Variants in ELMO1 observed in about 807,000 individuals in gnomAD.
The protein encoded by ELMO1 is engulfment and cell motility 1.
A neutral mutation model predicts 98.9 loss-of-function variants in ELMO1; 26 were observed. The ratio of observed to expected loss-of-function variants is 0.26; its 90% CI spans 0.19 to 0.36. The LOEUF (loss-of-function observed/expected upper bound fraction) is 0.36, where lower values mean the gene tolerates loss of function less well. Among genes scored for constraint, ELMO1 ranks in the 10% least tolerant of loss-of-function variants. ELMO1 has a pLI of 1.00. For synonymous variants in ELMO1, 346 were observed against 346.0 expected (o/e 1.00, Z 0.00); for missense variants, 627 against 935.2 (o/e 0.67, Z 4.30).
intron 16 of ELMO1, among the ~76,000 whole-genome samples, chr7:36,985,298 C>A (rs1440664333): frequency 1.3e-5 from 2 of 152,086 alleles, no homozygotes; most frequent in East Asian, 3.9e-4. Flanking sequence ...CTGCTAAAAT[C>A]TTTCCAATTG....
intron 4 of ELMO1, among the ~76,000 whole-genome samples, chr7:37,300,995 G>C (rs1483080378): frequency 6.6e-6 from 1 of 151,748 alleles, no homozygotes; most frequent in African/African-American, 2.4e-5. Context: ...GTTTAGTCTT[G>C]GGAGAGTGTA....
chr7:37,331,700 A>G (rs531496791), intron 2 of ELMO1, among the ~76,000 whole-genome samples: 3 of 152,096 alleles, frequency 2.0e-5, no homozygotes, highest in South Asian at 4.1e-4. Flanking sequence ...AGAGGTCCAG[A>G]GAGGGTGGCA....
chr7:37,044,450 T>C (rs945286542), intron 15 of ELMO1, among the ~76,000 whole-genome samples: 2 of 152,222 alleles, frequency 1.3e-5, no homozygotes, highest in Non-Finnish European at 2.9e-5. Context: ...CAGCTGTAGC[T>C]TTCCCACCAT....
At chr7:36,921,317 AAC>A (rs1785138738) in intron 16 of ELMO1, among the ~76,000 whole-genome samples, 1 of 152,208 alleles carries the variant, frequency 6.6e-6, no homozygotes, top group Non-Finnish European at 1.5e-5. Context: ...CTGCCTTTGG[AAC>A]CTGGCTCTGC....
At position 36,989,435 on chromosome 7, in the gene ELMO1, G is replaced by A. The variant is rs150426852; in HGVS notation, c.1437+23864C>T. ...TCAGAATTTCAGGGGGCAGAATCAC[G>A]AATATTTTCCCAAGCACTCCAGGAA... On this transcript the variant is annotated intron_variant, in intron 16 of 21. Transcript: ENST00000310758. Among the ~76,000 whole-genome samples the A allele has an allele frequency of 2.3e-3, 344 of 152,270 alleles. 1 individual carries two copies. Among genetic ancestry groups the A allele is most frequent in the African/African-American group, 7.8e-3 (324 of 41,548 alleles).
At chr7:36,859,147 A>G (rs551308254) in intron 21 of ELMO1, among the ~76,000 whole-genome samples, 5 of 152,324 alleles carry the variant, frequency 3.3e-5, no homozygotes, top group African/African-American at 9.6e-5. Context: ...AACCTAGGAA[A>G]CATGTCAACC....
chr7:37,435,955 G>A (rs1290898574), intron 1 of ELMO1, among the ~76,000 whole-genome samples: 1 of 152,188 alleles, frequency 6.6e-6, no homozygotes, highest in Non-Finnish European at 1.5e-5. Flanking sequence ...CAGTGTAGCA[G>A]GTTCAACTGA....
intron 15 of ELMO1, among the ~76,000 whole-genome samples, chr7:37,087,954 G>A (rs1313893760): frequency 6.6e-6 from 1 of 152,178 alleles, no homozygotes; most frequent in South Asian, 2.1e-4. Context: ...CGAGGAATCA[G>A]AACAGTCACC....
intron 5 of ELMO1, among the ~76,000 whole-genome samples, chr7:37,262,660 A>G (rs1177198757): frequency 6.6e-6 from 1 of 152,184 alleles, no homozygotes; most frequent in Non-Finnish European, 1.5e-5. Flanking sequence ...TTCCCTCTTC[A>G]TCCTAGGACA....
At chr7:36,971,415 A>G (rs1789939879) in intron 16 of ELMO1, among the ~76,000 whole-genome samples, 1 of 152,222 alleles carries the variant, frequency 6.6e-6, no homozygotes, top group Non-Finnish European at 1.5e-5. Context: ...AGTCAAACTG[A>G]GCTTGTTATT....
At position 37,290,613 on chromosome 7, in the gene ELMO1, C is replaced by A. The variant is rs369782202; in HGVS notation, c.193-18731G>T. Among the ~76,000 whole-genome samples, 7 of 151,998 alleles carry A rather than the reference C, an allele frequency of 4.6e-5. No homozygotes were observed. The East Asian group carries it at 1.2e-3, about 25-fold the overall frequency. On this transcript the variant is annotated intron_variant, in intron 4 of 21. Transcript: ENST00000310758. ...CTAGGCATATATCTTACTAAATATA[C>A]GTATAAAAACTTTAAGGGCAAAAAT...
rs568261225 is a variant in ELMO1 at position 37,197,660 on chromosome 7, A to C, written c.1086+13726T>G. On this transcript the variant is annotated intron_variant, in intron 13 of 21. Transcript: ENST00000310758. ...CATCAAAAGCAGGTCAATGGGAAGCAGGTAACTGGATCACAGGACTCTTAA... is the reference window on the plus strand; with the variant it reads ...CATCAAAAGCAGGTCAATGGGAAGCCGGTAACTGGATCACAGGACTCTTAA... Among the ~76,000 whole-genome samples, 129 of 151,088 alleles carry C rather than the reference A, an allele frequency of 8.5e-4. 1 individual carries two copies. The highest frequency in any genetic ancestry group is 6.8e-3 in the Middle Eastern group (2 of 294).
intron 2 of ELMO1, among the ~76,000 whole-genome samples, chr7:37,341,581 A>G (rs552422267): frequency 1.2e-4 from 19 of 152,310 alleles, no homozygotes; most frequent in Non-Finnish European, 2.2e-4. Context: ...CCTTTCTTAC[A>G]TTTGAGTTTA....
intron 1 of ELMO1, among the ~76,000 whole-genome samples, chr7:37,364,122 A>C (rs1009984604): frequency 2.0e-5 from 3 of 152,010 alleles, no homozygotes; most frequent in Non-Finnish European, 4.4e-5. Context: ...CCAACACCAT[A>C]CCCCATACCT....
At position 37,285,060 on chromosome 7, in the gene ELMO1, C is replaced by G. The variant is rs1562581838; in HGVS notation, c.193-13178G>C. Among the ~76,000 whole-genome samples the G allele has an allele frequency of 2.0e-5, 3 of 152,220 alleles. 1 individual carries two copies. Among genetic ancestry groups the G allele is most frequent in the Non-Finnish European group, 4.4e-5 (3 of 68,030 alleles). ...TTCTGCCTACCCAAGCTTCTGGCAA[C>G]AGAGACACGTCTATAGTGCTGCACA... On this transcript the variant is annotated intron_variant, in intron 4 of 21. Transcript: ENST00000310758.
intron 16 of ELMO1, among the ~76,000 whole-genome samples, chr7:37,009,920 A>C (rs1468093271): frequency 1.3e-5 from 2 of 152,248 alleles, no homozygotes; most frequent in African/African-American, 4.8e-5. Context: ...AGTTAATAAC[A>C]AGAAGAAAAG....
At chr7:36,924,120 C>T (rs1482181954) in intron 16 of ELMO1, among the ~76,000 whole-genome samples, 1 of 152,212 alleles carries the variant, frequency 6.6e-6, no homozygotes, top group East Asian at 1.9e-4. Flanking sequence ...CTAAATACCA[C>T]TTGTTTCAAC....
At chr7:37,140,662 T>C (rs1370550803) in intron 13 of ELMO1, among the ~76,000 whole-genome samples, 1 of 152,058 alleles carries the variant, frequency 6.6e-6, no homozygotes, top group African/African-American at 2.4e-5. Context: ...ATCCAGAATT[T>C]ACAAAGAACT....
rs1801956336 is a variant in ELMO1, at chr7:36,852,958, C to T, written c.*2593G>A. Among the ~76,000 whole-genome samples the T allele has an allele frequency of 6.6e-6, 1 of 152,204 alleles. No individual in the cohort carries two copies. On this transcript the variant is annotated 3_prime_UTR_variant, in exon 22 of 22. Coordinates refer to ENST00000310758, the MANE Select transcript of ELMO1 (RefSeq NM_014800.11). ...GAGTAATATGAATAGCAGAATGCAA[C>T]TTGGACTTCACGACAACATCAGTCT...
Sources: allele counts gnomAD v4.1 joint callset (sites outside exome capture counted in the v4.1 genomes callset), GRCh38; gene constraint gnomAD v4.1.1; transcripts MANE v1.5; gene names NCBI Gene and HGNC (gene_info 2026-07-23, HGNC 2026-07-21).